GLS: variants seen among roughly 807,000 people sequenced by gnomAD.
GLS encodes glutaminase.
Under a neutral mutation model 86.7 loss-of-function variants are expected in GLS, and 36 were observed. That is an observed-to-expected ratio of 0.42 (90% CI 0.32 to 0.55). The LOEUF (loss-of-function observed/expected upper bound fraction) is 0.55, where lower values mean the gene tolerates loss of function less well. Ranked by LOEUF, GLS falls within the 20% of genes least tolerant of loss-of-function variation. The pLI is 0.17. For missense variants in GLS, 528 were observed against 833.4 expected (o/e 0.63, Z 4.51); for synonymous variants, 317 against 305.9 (o/e 1.04, Z -0.38).
chr2:190,909,464 C>T (rs961029277), intron 6 of GLS, among the ~76,000 whole-genome samples: 5 of 152,140 alleles, frequency 3.3e-5, no homozygotes, highest in African/African-American at 1.2e-4. Flanking sequence ...ATCTGGCAAT[C>T]CCTTCTCCCC....
chr2:190,902,768 A>T (rs1324508714), intron 5 of GLS, among the ~76,000 whole-genome samples: 1 of 152,228 alleles, frequency 6.6e-6, no homozygotes, highest in African/African-American at 2.4e-5. Flanking sequence ...TTAGAAAATT[A>T]CGCCAAAGAG....
rs1251063747 is a variant in GLS, at chr2:190,905,631, TTTAC to T, written c.979+467_979+470del. Among the ~76,000 whole-genome samples, 2 of 152,118 alleles carry T rather than the reference TTTAC, an allele frequency of 1.3e-5. No homozygotes were observed. On this transcript the variant is annotated intron_variant, in intron 6 of 17. Coordinates refer to ENST00000320717, the MANE Select transcript of GLS (RefSeq NM_014905.5). The surrounding 1 kb of genome is among the most constrained non-coding windows in gnomAD (Gnocchi z 4.6). Reference sequence around the variant, plus strand: ...GGATTATTATTTTTCAGTGAGTGTTTTTACTTTTTATCCTTATAACATTAAAAAA... The same window carrying T: ...GGATTATTATTTTTCAGTGAGTGTTTTTTTTATCCTTATAACATTAAAAAA...
chr2:190,962,657 C>T lies in GLS; in HGVS notation c.1854-173C>T, dbSNP rs1279184245. Among the ~76,000 whole-genome samples the T allele has an allele frequency of 6.6e-6, 1 of 152,138 alleles. No homozygotes were observed. Among genetic ancestry groups the T allele is most frequent in the Non-Finnish European group, 1.5e-5 (1 of 68,018 alleles). On this transcript the variant is annotated intron_variant, in intron 17 of 17. Coordinates refer to ENST00000320717, the MANE Select transcript of GLS (RefSeq NM_014905.5). This position sits in a 1 kb window ranked among gnomAD's most constrained non-coding sequence, Gnocchi z 4.2. ...ATATCCCAACTTGTCTTGGAGACTACTTTTTGAATTATAAATCCCTTTCTG... is the reference window on the plus strand; with the variant it reads ...ATATCCCAACTTGTCTTGGAGACTATTTTTTGAATTATAAATCCCTTTCTG...
chr2:190,933,080 T>G, intron 14 of GLS: 1 of 989,292 alleles, frequency 1.0e-6, no homozygotes. Flanking sequence ...GTACATAAAT[T>G]TGCTTTATTT....
chr2:190,892,634 A>G (rs1392404671), intron 1 of GLS, among the ~76,000 whole-genome samples: 1 of 152,194 alleles, frequency 6.6e-6, no homozygotes, highest in African/African-American at 2.4e-5. Flanking sequence ...TAAGGCATGA[A>G]TGATCTTGAG....
intron 11 of GLS, among the ~76,000 whole-genome samples, chr2:190,925,318 A>T (rs954434743): frequency 4.6e-5 from 7 of 152,046 alleles, no homozygotes; most frequent in African/African-American, 1.7e-4. Flanking sequence ...TTACTACTCT[A>T]TCCTGGCTTA....
intron 7 of GLS, among the ~76,000 whole-genome samples, chr2:190,918,808 T>C (rs979478579): frequency 6.6e-6 from 1 of 152,158 alleles, no homozygotes; most frequent in Non-Finnish European, 1.5e-5. Context: ...GGGTTATTAA[T>C]TGGCCTGTTT....
At chr2:190,927,199 G>C (rs1689925881) in intron 11 of GLS, 107 bp from the exon 12 acceptor site, 2 of 881,330 alleles carry the variant, frequency 2.3e-6, no homozygotes, top group East Asian at 6.1e-5. Flanking sequence ...AATCTCTTTG[G>C]AAGAAATATT....
Position 190,913,411 on chromosome 2 carries a change from C to A in GLS, c.1038+3090C>A, listed in dbSNP as rs1441423450. The stretch of plus-strand genomic sequence containing the variant: ...AATGTAATTTTATACTTAAAATGCA[C>A]ATAATTTTTAAAAATCATAAGGGTA... On this transcript the variant is annotated intron_variant, in intron 7 of 17. Transcript: ENST00000320717. The surrounding 1 kb of genome is among the most constrained non-coding windows in gnomAD (Gnocchi z 6.1). 1 of 928,460 alleles carries A rather than the reference C, an allele frequency of 1.1e-6. No homozygotes were observed. Among genetic ancestry groups the A allele is most frequent in the Non-Finnish European group, 1.4e-6 (1 of 733,512 alleles). The allele number at this position is 928,460 out of a possible 1,614,324, so 57.5% of individuals were successfully genotyped here.
chr2:190,932,427 T>C (rs889807370), intron 14 of GLS, among the ~76,000 whole-genome samples: 29 of 151,962 alleles, frequency 1.9e-4, no homozygotes, highest in African/African-American at 7.0e-4. Context: ...GAAGAACTTC[T>C]AAGTAGAAAA....
At chr2:190,908,243 A>G (rs913705827) in intron 6 of GLS, among the ~76,000 whole-genome samples, 14 of 152,228 alleles carry the variant, frequency 9.2e-5, no homozygotes, top group Non-Finnish European at 1.2e-4. Context: ...TACCGAAAAT[A>G]TAAATATCCA....
intron 14 of GLS, among the ~76,000 whole-genome samples, chr2:190,937,666 T>G (rs191303345): frequency 6.6e-6 from 1 of 151,352 alleles, no homozygotes; most frequent in Admixed American, 6.6e-5. Flanking sequence ...GTAGATCTAC[T>G]TTAGTAATTT....
intron 14 of GLS, among the ~76,000 whole-genome samples, chr2:190,952,535 G>T (rs992218972): frequency 1.1e-4 from 17 of 152,184 alleles, no homozygotes; most frequent in African/African-American, 3.4e-4. Context: ...CAGTTAATTT[G>T]GAAGGTTCAT....
Position 190,897,040 on chromosome 2 carries a change from T to C in GLS, c.605+1315T>C, listed in dbSNP as rs1688766709. Among the ~76,000 whole-genome samples the C allele has an allele frequency of 1.3e-5, 2 of 152,108 alleles. No homozygotes were observed. Among genetic ancestry groups the C allele is most frequent in the African/African-American group, 4.8e-5 (2 of 41,410 alleles). On this transcript the variant is annotated intron_variant, in intron 3 of 17. Coordinates refer to ENST00000320717, the MANE Select transcript of GLS (RefSeq NM_014905.5). This position sits in a 1 kb window ranked among gnomAD's most constrained non-coding sequence, Gnocchi z 4.3. ...TGGAAGCAGTATTTTACACTTTTTTTTTTTAAGAGACAGAGTCTCATTCTG... is the reference window on the plus strand; with the variant it reads ...TGGAAGCAGTATTTTACACTTTTTTCTTTTAAGAGACAGAGTCTCATTCTG...
At chr2:190,883,656 T>A (rs1688281601) in intron 1 of GLS, among the ~76,000 whole-genome samples, 1 of 152,270 alleles carries the variant, frequency 6.6e-6, no homozygotes, top group Non-Finnish European at 1.5e-5. Context: ...TGAAGGTTTT[T>A]AATTTTTTTA....
chr2:190,928,892 G>GTTTTTTTTT (rs367999647), intron 12 of GLS, among the ~76,000 whole-genome samples: 1 of 12,824 alleles, frequency 7.8e-5, no homozygotes, highest in African/African-American at 3.1e-4. Flanking sequence ...ATTCAGGTGT[G>GTTTTTTTTT]TTTTTTTTTT....
intron 5 of GLS, 64 bp from the exon 6 acceptor site, chr2:190,904,940 C>T: frequency 2.2e-6 from 2 of 907,464 alleles, no homozygotes; most frequent in South Asian, 2.9e-5. Context: ...AAGAATAATT[C>T]CAACTATGCA....
chr2:190,953,643 G>C lies in GLS; in HGVS notation c.1712+17G>C, dbSNP rs1284819272. ...ACTTCGAAGGTATGTTTACAGGATG[G>C]ATTAGCATGCACTTTACAGATATTT... On this transcript the variant is annotated intron_variant, in intron 15 of 17. Transcript: ENST00000320717. This position sits in a 1 kb window ranked among gnomAD's most constrained non-coding sequence, Gnocchi z 4.0. The C allele has an allele frequency of 1.3e-6, 2 of 1,535,808 alleles. No homozygotes were observed. Among genetic ancestry groups the C allele is most frequent in the Non-Finnish European group, 9.0e-7 (1 of 1,108,930 alleles).
At position 190,913,615 on chromosome 2, in the gene GLS, GTTTTC is replaced by G. The variant is rs796718892; in HGVS notation, c.1038+3300_1038+3304del. ...GATGTAGCAGTATCCTTACGTATTTGTTTTCTTTTCACTGGTAAAAATTTCACGTA... is the reference window on the plus strand; with the variant it reads ...GATGTAGCAGTATCCTTACGTATTTGTTTTCACTGGTAAAAATTTCACGTA... On this transcript the variant is annotated intron_variant, in intron 7 of 17. Transcript: ENST00000320717. The surrounding 1 kb of genome is among the most constrained non-coding windows in gnomAD (Gnocchi z 6.1). 39 of 971,768 alleles carry G rather than the reference GTTTTC, an allele frequency of 4.0e-5. No homozygotes were observed. In the African/African-American group the frequency reaches 6.1e-4, roughly 15 times the overall value. The allele number at this position is 971,768 out of a possible 1,614,324, so 60.2% of individuals were successfully genotyped here. A position where few individuals can be genotyped will look rare whatever the true frequency, so the allele number is the denominator to read the frequency against.
Sources: allele counts gnomAD v4.1 joint callset (sites outside exome capture counted in the v4.1 genomes callset), GRCh38; gene constraint gnomAD v4.1.1; non-coding constraint Gnocchi (gnomAD v3.1); transcripts MANE v1.5; gene names NCBI Gene and HGNC (gene_info 2026-07-23, HGNC 2026-07-21).